ZNF438: variants seen among roughly 807,000 people sequenced by gnomAD.
ZNF438 encodes zinc finger protein 438.
ZNF438 carries 25 observed loss-of-function variants against 38.0 expected under a neutral mutation model. The observed-to-expected ratio is 0.66, with a 90% CI of 0.48 to 0.92. The LOEUF (loss-of-function observed/expected upper bound fraction) is 0.92, where lower values mean the gene tolerates loss of function less well. ZNF438 is among the 40% of genes least tolerant of loss of function. The pLI is 0.00. For missense variants in ZNF438, 1,007 were observed against 999.6 expected (o/e 1.01, Z -0.10); for synonymous variants, 372 against 364.1 (o/e 1.02, Z -0.25).
intron 2 of ZNF438, among the ~76,000 whole-genome samples, chr10:30,931,686 T>G (rs140025930): frequency 6.6e-6 from 1 of 152,324 alleles, no homozygotes; most frequent in African/African-American, 2.4e-5. Flanking sequence ...AAAAACCCAA[T>G]AGCCACTAAC....
intron 1 of ZNF438, among the ~76,000 whole-genome samples, chr10:30,990,130 T>G (rs2053317752): frequency 6.6e-6 from 1 of 152,150 alleles, no homozygotes; most frequent in African/African-American, 2.4e-5. Context: ...CTTAAAAAAC[T>G]GGTCACCTTT....
At chr10:31,007,223 A>G (rs900596513) in intron 1 of ZNF438, among the ~76,000 whole-genome samples, 3 of 151,898 alleles carry the variant, frequency 2.0e-5, no homozygotes, top group Non-Finnish European at 4.4e-5. Context: ...CCTGACTTCC[A>G]GAATGTAAGA....
intron 1 of ZNF438, among the ~76,000 whole-genome samples, chr10:30,945,464 C>T (rs1388626474): frequency 6.6e-6 from 1 of 150,986 alleles, no homozygotes; most frequent in African/African-American, 2.4e-5. Flanking sequence ...AGGTTAGTTA[C>T]ATACGTATAC....
intron 3 of ZNF438, among the ~76,000 whole-genome samples, chr10:30,900,067 C>T (rs1435963352): frequency 6.6e-6 from 1 of 151,944 alleles, no homozygotes; most frequent in East Asian, 1.9e-4. Context: ...TTTTGTGGAC[C>T]CTACCATCTG....
intron 4 of ZNF438, among the ~76,000 whole-genome samples, chr10:30,876,784 G>A (rs539962363): frequency 8.9e-4 from 135 of 152,190 alleles, no homozygotes; most frequent in African/African-American, 3.0e-3. Context: ...CTCTCAAGGC[G>A]CTATAGCCTA....
Position 31,006,778 on chromosome 10 carries a change from C to CGG in ZNF438, c.-192+25053_-192+25054dup, listed in dbSNP as rs71299751. ...ATGTCTTGGTGTGGTTGGCGGGGGG[C>CGG]GGGGGGGGGAACTCCCACACGTGTG... On this transcript the variant is annotated intron_variant, in intron 1 of 5. Transcript: ENST00000413025. Among the ~76,000 whole-genome samples the CGG allele has an allele frequency of 5.5e-3, 380 of 68,578 alleles. 4 individuals are homozygous for CGG. The highest frequency in any genetic ancestry group is 0.041 in the Middle Eastern group (7 of 170). The allele number at this position is 68,578 out of a possible 152,430, so 45.0% of individuals were successfully genotyped here.
intron 1 of ZNF438, among the ~76,000 whole-genome samples, chr10:30,972,683 C>T (rs2050878300): frequency 6.6e-6 from 1 of 152,112 alleles, no homozygotes; most frequent in South Asian, 2.1e-4. Context: ...CTACTGTTGT[C>T]CAAAAAGACC....
At chr10:30,935,817 A>G (rs1280553858) in intron 2 of ZNF438, among the ~76,000 whole-genome samples, 4 of 152,148 alleles carry the variant, frequency 2.6e-5, no homozygotes, top group Non-Finnish European at 5.9e-5. Context: ...AGCCCCTTAT[A>G]AAACCATCAG....
At chr10:30,865,002 G>T (rs911039047) in intron 4 of ZNF438, among the ~76,000 whole-genome samples, 1 of 152,158 alleles carries the variant, frequency 6.6e-6, no homozygotes, top group Non-Finnish European at 1.5e-5. Context: ...TTGAGACTTG[G>T]ATTTTAACCC....
At chr10:31,024,582 C>T (rs535526427) in intron 1 of ZNF438, among the ~76,000 whole-genome samples, 9 of 152,038 alleles carry the variant, frequency 5.9e-5, no homozygotes, top group African/African-American at 1.2e-4. Context: ...GAGCCAAGAT[C>T]GCGCCACTGC....
intron 1 of ZNF438, among the ~76,000 whole-genome samples, chr10:31,029,702 G>A (rs2057162583): frequency 6.6e-6 from 1 of 152,202 alleles, no homozygotes; most frequent in Admixed American, 6.5e-5. Flanking sequence ...CCAGTCCCTT[G>A]ATGCAAACCT....
rs1340765852 is a variant in ZNF438 at position 30,958,500 on chromosome 10, G to C, written c.-191-16849C>G. On this transcript the variant is annotated intron_variant, in intron 1 of 5. Coordinates refer to ENST00000413025, the Ensembl canonical transcript of ZNF438. ...GGAGCTTTTATAAGATATAATGTGTGTCCCATCCTTACTCCATTTGTACTA... is the reference window on the plus strand; with the variant it reads ...GGAGCTTTTATAAGATATAATGTGTCTCCCATCCTTACTCCATTTGTACTA... Among the ~76,000 whole-genome samples, 5 of 146,818 alleles carry C rather than the reference G, an allele frequency of 3.4e-5. 1 individual carries two copies. The highest frequency in any genetic ancestry group is 7.7e-5 in the Non-Finnish European group (5 of 64,690).
intron 2 of ZNF438, among the ~76,000 whole-genome samples, chr10:30,911,723 T>TA (rs2043097039): frequency 6.6e-6 from 1 of 152,070 alleles, no homozygotes; most frequent in Non-Finnish European, 1.5e-5. Context: ...TCTCCTTAAC[T>TA]CCTCAAACCT....
intron 1 of ZNF438, among the ~76,000 whole-genome samples, chr10:30,990,100 T>C (rs2053313807): frequency 6.6e-6 from 1 of 152,166 alleles, no homozygotes; most frequent in Admixed American, 6.5e-5. Context: ...CGTTAAATTC[T>C]AAAAGTTCAT....
intron 1 of ZNF438, 35 bp downstream of exon 1, chr10:31,031,798 A>G (rs904576805): frequency 5.2e-5 from 8 of 153,084 alleles, no homozygotes; most frequent in Admixed American, 1.3e-4. Flanking sequence ...GGGCCCCGCA[A>G]GCCCTAGGAG....
chr10:30,919,777 A>G (rs1025345038), intron 2 of ZNF438: 1 of 152,090 alleles, frequency 6.6e-6, no homozygotes, highest in Non-Finnish European at 1.5e-5. Flanking sequence ...GCACGCCACC[A>G]TGCCCGGCTA....
At position 30,888,066 on chromosome 10, in the gene ZNF438, A is replaced by C. The variant is rs115852614; in HGVS notation, c.-31-11001T>G. Among the ~76,000 whole-genome samples the C allele has an allele frequency of 6.0e-3, 906 of 152,268 alleles. 10 individuals carry two copies. Among genetic ancestry groups the C allele is most frequent in the African/African-American group, 0.021 (872 of 41,540 alleles). On this transcript the variant is annotated intron_variant, in intron 3 of 5. Coordinates refer to ENST00000413025, the Ensembl canonical transcript of ZNF438. Reference sequence around the variant, plus strand: ...TTTGAGTTGCTGCCAGTTTTTGGTTATCATGAATTAATATAAATATAAATG... The same window carrying C: ...TTTGAGTTGCTGCCAGTTTTTGGTTCTCATGAATTAATATAAATATAAATG...
chr10:30,937,925 A>G (rs2046420465), intron 2 of ZNF438, among the ~76,000 whole-genome samples: 2 of 152,210 alleles, frequency 1.3e-5, no homozygotes, highest in African/African-American at 2.4e-5. Flanking sequence ...GAGGGCATTC[A>G]TGGTTCTCCT....
chr10:30,883,900 A>G (rs2133858549), intron 3 of ZNF438, among the ~76,000 whole-genome samples: 1 of 152,256 alleles, frequency 6.6e-6, no homozygotes, highest in Middle Eastern at 3.4e-3. Context: ...CACTCCAAAA[A>G]AAAGTGTTAG....
Sources: allele counts gnomAD v4.1 joint callset (sites outside exome capture counted in the v4.1 genomes callset), GRCh38; gene constraint gnomAD v4.1.1; transcripts MANE v1.5; gene names NCBI Gene and HGNC (gene_info 2026-07-23, HGNC 2026-07-21).